MAML3: variants seen among roughly 807,000 people sequenced by gnomAD.
MAML3 encodes the protein mastermind-like protein 3.
A neutral mutation model predicts 101.9 loss-of-function variants in MAML3; 27 were observed. That is an observed-to-expected ratio of 0.27 (90% CI 0.20 to 0.37). MAML3 has a LOEUF of 0.37. Ranked by LOEUF, MAML3 falls within the 10% of genes least tolerant of loss-of-function variation. The probability of loss-of-function intolerance (pLI) is 1.00; values close to 1 mark genes in which losing one functional copy is unlikely to be tolerated. For synonymous variants in MAML3, 501 were observed against 555.9 expected (o/e 0.90, Z 1.39); for missense variants, 1,316 against 1,444.9 (o/e 0.91, Z 1.45).
chr4:139,847,967 C>G (rs775237913), intron 2 of MAML3, among the ~76,000 whole-genome samples: 1 of 152,144 alleles, frequency 6.6e-6, no homozygotes, highest in Non-Finnish European at 1.5e-5. Flanking sequence ...GATCTCCAAT[C>G]TCATCCATTT....
At chr4:140,019,543 C>T (rs1223728646) in intron 1 of MAML3, among the ~76,000 whole-genome samples, 1 of 152,234 alleles carries the variant, frequency 6.6e-6, no homozygotes, top group East Asian at 1.9e-4. Flanking sequence ...GCTCCTCATT[C>T]ACCCAGATGA....
intron 1 of MAML3, among the ~76,000 whole-genome samples, chr4:140,008,164 G>A (rs1726488300): frequency 6.6e-6 from 1 of 152,154 alleles, no homozygotes; most frequent in African/African-American, 2.4e-5. Context: ...GGCCTACGTG[G>A]TGAAACCCCG....
chr4:139,835,888 C>T (rs1731248188), intron 2 of MAML3, among the ~76,000 whole-genome samples: 1 of 152,116 alleles, frequency 6.6e-6, no homozygotes, highest in Non-Finnish European at 1.5e-5. Context: ...GGAAAAATTC[C>T]ATCTATATAA....
At chr4:139,858,106 G>A (rs1011891350) in intron 2 of MAML3, among the ~76,000 whole-genome samples, 4 of 152,180 alleles carry the variant, frequency 2.6e-5, no homozygotes, top group Non-Finnish European at 5.9e-5. Flanking sequence ...TTAATGTGCT[G>A]ATTTCAAACT....
At chr4:139,916,891 C>T (rs1434780761) in intron 1 of MAML3, among the ~76,000 whole-genome samples, 4 of 152,094 alleles carry the variant, frequency 2.6e-5, no homozygotes, top group Admixed American at 6.5e-5. Flanking sequence ...TTCAAGTGGG[C>T]GTTCTTTAAC....
intron 1 of MAML3, among the ~76,000 whole-genome samples, chr4:139,896,649 TGTGA>T (rs1391114986): frequency 3.4e-5 from 5 of 147,060 alleles, no homozygotes; most frequent in African/African-American, 7.6e-5. Flanking sequence ...GGTGTGTGTG[TGTGA>T]GAGAGAGAGA....
At chr4:140,073,697 T>A (rs1015016870) in intron 1 of MAML3, among the ~76,000 whole-genome samples, 1 of 152,164 alleles carries the variant, frequency 6.6e-6, no homozygotes, top group East Asian at 1.9e-4. Flanking sequence ...GAAAAAATAG[T>A]CTTCAAAATA....
intron 2 of MAML3, among the ~76,000 whole-genome samples, chr4:139,755,589 C>A (rs1185988629): frequency 1.3e-5 from 2 of 152,160 alleles, no homozygotes; most frequent in Non-Finnish European, 2.9e-5. Context: ...GCCTGGGCGA[C>A]AGAGCAAGAT....
intron 1 of MAML3, among the ~76,000 whole-genome samples, chr4:140,045,189 G>A (rs1236937588): frequency 6.6e-6 from 1 of 152,168 alleles, no homozygotes. Context: ...GAGGTCAGGA[G>A]TTTAAGACCA....
chr4:140,049,456 A>G (rs1727232762), intron 1 of MAML3, among the ~76,000 whole-genome samples: 1 of 152,180 alleles, frequency 6.6e-6, no homozygotes, highest in Middle Eastern at 3.2e-3. Context: ...CTGGCTCAGC[A>G]AGTGTGCGGA....
At chr4:139,957,563 G>A (rs1733936337) in intron 1 of MAML3, among the ~76,000 whole-genome samples, 2 of 152,172 alleles carry the variant, frequency 1.3e-5, no homozygotes, top group South Asian at 4.1e-4. Flanking sequence ...CTTTATCACA[G>A]AGCCTTAGTG....
chr4:139,846,130 C>A (rs1404929144), intron 2 of MAML3, among the ~76,000 whole-genome samples: 1 of 152,078 alleles, frequency 6.6e-6, no homozygotes, highest in Non-Finnish European at 1.5e-5. Context: ...CTTGATAGAT[C>A]ATTTTATGCC....
chr4:139,821,704 A>C (rs1279553982), intron 2 of MAML3, among the ~76,000 whole-genome samples: 2 of 152,232 alleles, frequency 1.3e-5, no homozygotes, highest in Non-Finnish European at 2.9e-5. Context: ...GCCACTTCCA[A>C]GTTCAAAATC....
rs1315567644 is a variant in MAML3 at position 139,785,433 on chromosome 4, A to G, written c.2080-54766T>C. 6.6e-6 allele frequency among the ~76,000 whole-genome samples: 1 copy of G among 152,160 alleles called. No homozygotes were observed. The highest frequency in any genetic ancestry group is 2.4e-5 in the African/African-American group (1 of 41,426). ...AATGGTTCCCTATGCTTGCTCTGGGATCAGAGTGTTCTTGATGAGTGAATT... is the reference window on the plus strand; with the variant it reads ...AATGGTTCCCTATGCTTGCTCTGGGGTCAGAGTGTTCTTGATGAGTGAATT... On this transcript the variant is annotated intron_variant, in intron 2 of 4. Transcript: ENST00000509479. The surrounding 1 kb of genome is among the most constrained non-coding windows in gnomAD (Gnocchi z 4.3).
chr4:140,058,599 A>G (rs915881084), intron 1 of MAML3, among the ~76,000 whole-genome samples: 2 of 137,796 alleles, frequency 1.5e-5, no homozygotes, highest in African/African-American at 5.0e-5. Flanking sequence ...TTGTTAATCT[A>G]TATTTTCTTA....
chr4:139,754,039 T>G (rs1729590726), intron 2 of MAML3, among the ~76,000 whole-genome samples: 1 of 152,234 alleles, frequency 6.6e-6, no homozygotes, highest in Admixed American at 6.5e-5. Context: ...TGTACATTAA[T>G]ATGTTGTAAT....
intron 2 of MAML3, among the ~76,000 whole-genome samples, chr4:139,857,429 T>C (rs1176330766): frequency 6.6e-6 from 1 of 152,188 alleles, no homozygotes; most frequent in Non-Finnish European, 1.5e-5. Flanking sequence ...ACTTTGGATT[T>C]TCTTCATTGG....
chr4:139,763,312 T>A (rs1039919095), intron 2 of MAML3, among the ~76,000 whole-genome samples: 2 of 152,324 alleles, frequency 1.3e-5, no homozygotes, highest in South Asian at 2.1e-4. Flanking sequence ...CTCCCTTGAA[T>A]GACTAAGGCC....
chr4:140,122,283 G>T (rs1278469030), intron 1 of MAML3, among the ~76,000 whole-genome samples: 1 of 145,036 alleles, frequency 6.9e-6, no homozygotes, highest in Non-Finnish European at 1.5e-5. Context: ...GTGCAATAGC[G>T]CAATCTCGGC....
Sources: gnomAD v4.1 joint callset for allele counts (sites outside exome capture counted in the v4.1 genomes callset) on GRCh38, gnomAD v4.1.1 for gene constraint, Gnocchi (gnomAD v3.1) non-coding constraint, MANE v1.5 for transcripts, NCBI Gene and HGNC (gene_info 2026-07-23, HGNC 2026-07-21) for gene names.